CMSS1: variants seen among roughly 807,000 people sequenced by gnomAD.
The protein encoded by CMSS1 is protein CMSS1.
Under a neutral mutation model 43.5 loss-of-function variants are expected in CMSS1, and 33 were observed. That is an observed-to-expected ratio of 0.76 (90% CI 0.57 to 1.01). CMSS1 has a LOEUF of 1.01. Among genes scored for constraint, CMSS1 ranks in the 50% least tolerant of loss-of-function variants. The pLI is 0.00. For synonymous variants in CMSS1, 115 were observed against 117.2 expected (o/e 0.98, Z 0.12); for missense variants, 313 against 326.4 (o/e 0.96, Z 0.32).
At chr3:99,900,467 C>T (rs536980339) in intron 1 of CMSS1, among the ~76,000 whole-genome samples, 1 of 152,162 alleles carries the variant, frequency 6.6e-6, no homozygotes, top group African/African-American at 2.4e-5. Flanking sequence ...TCATAAATAA[C>T]CAGATTTCAG....
At chr3:99,820,950 T>A (rs1942426946) in intron 1 of CMSS1, among the ~76,000 whole-genome samples, 1 of 152,204 alleles carries the variant, frequency 6.6e-6, no homozygotes, top group Non-Finnish European at 1.5e-5. Context: ...AAATAAACAT[T>A]TTTGCTATAA....
At chr3:100,126,352 A>C (rs2066661915) in intron 1 of CMSS1, among the ~76,000 whole-genome samples, 1 of 152,204 alleles carries the variant, frequency 6.6e-6, no homozygotes. Flanking sequence ...CATTATGCCA[A>C]GTTGTAATTA....
At chr3:99,988,379 G>A (rs1264056653) in intron 1 of CMSS1, among the ~76,000 whole-genome samples, 10 of 150,256 alleles carry the variant, frequency 6.7e-5, no homozygotes, top group South Asian at 2.1e-4. Context: ...CAGGCATGGT[G>A]GCATGTGCCT....
At chr3:100,096,784 C>T (rs1417484048) in intron 1 of CMSS1, among the ~76,000 whole-genome samples, 1 of 151,910 alleles carries the variant, frequency 6.6e-6, no homozygotes, top group Non-Finnish European at 1.5e-5. Context: ...TTGTTTGTAA[C>T]ACAAAGGATA....
At chr3:99,947,782 T>G (rs1226329466) in intron 1 of CMSS1, among the ~76,000 whole-genome samples, 1 of 152,228 alleles carries the variant, frequency 6.6e-6, no homozygotes, top group African/African-American at 2.4e-5. Context: ...TAGACCACTA[T>G]ACTACCTTTC....
intron 3 of CMSS1, among the ~76,000 whole-genome samples, chr3:100,161,228 A>G (rs1461643580): frequency 6.6e-6 from 1 of 152,226 alleles, no homozygotes; most frequent in East Asian, 1.9e-4. Context: ...ACTTAACAGC[A>G]AGCTTTTAGA....
intron 1 of CMSS1, among the ~76,000 whole-genome samples, chr3:99,983,478 A>ATGTGTATGTG (rs1265189911): frequency 5.9e-4 from 13 of 22,136 alleles, no homozygotes; most frequent in Admixed American, 2.6e-3. Flanking sequence ...ATATATATAT[A>ATGTGTATGTG]TATATATATA....
intron 1 of CMSS1, among the ~76,000 whole-genome samples, chr3:99,981,730 C>T (rs924485563): frequency 2.6e-5 from 4 of 152,126 alleles, no homozygotes; most frequent in African/African-American, 9.7e-5. Flanking sequence ...CTGCCTGATT[C>T]CAAATTGCGT....
At chr3:100,009,796 G>C (rs566086850) in intron 1 of CMSS1, among the ~76,000 whole-genome samples, 1 of 152,344 alleles carries the variant, frequency 6.6e-6, no homozygotes, top group Admixed American at 6.5e-5. Flanking sequence ...TCTTGAGAAA[G>C]AGAGTGCAAT....
intron 8 of CMSS1, among the ~76,000 whole-genome samples, chr3:100,173,969 G>C (rs748269608): frequency 1.3e-5 from 2 of 152,154 alleles, no homozygotes; most frequent in Admixed American, 1.3e-4. Flanking sequence ...AAAACAAAAT[G>C]CCAATAAAGA....
chr3:99,961,216 C>T (rs1025456882), intron 1 of CMSS1, among the ~76,000 whole-genome samples: 3 of 152,124 alleles, frequency 2.0e-5, no homozygotes, highest in East Asian at 1.9e-4. Flanking sequence ...GGAGAATGCC[C>T]GAGGGGATCC....
chr3:100,138,431 G>T (rs971630536), intron 1 of CMSS1, among the ~76,000 whole-genome samples: 2 of 152,092 alleles, frequency 1.3e-5, no homozygotes, highest in African/African-American at 4.8e-5. Context: ...GAAAAATTTT[G>T]CAATCTACCT....
At chr3:100,108,856 A>G (rs371319869) in intron 1 of CMSS1, among the ~76,000 whole-genome samples, 2 of 152,092 alleles carry the variant, frequency 1.3e-5, no homozygotes, top group East Asian at 3.9e-4. Context: ...TAGGCTTGCT[A>G]TGTCTATCTG....
At chr3:99,877,659 G>GT (rs1487220254) in intron 1 of CMSS1, among the ~76,000 whole-genome samples, 1 of 152,154 alleles carries the variant, frequency 6.6e-6, no homozygotes, top group Non-Finnish European at 1.5e-5. Flanking sequence ...AGTTTTGTTG[G>GT]TTTTAACTCT....
chr3:100,065,822 A>G lies in CMSS1; in HGVS notation c.65-81151A>G, dbSNP rs2065654023. Reference sequence around the variant, plus strand: ...AATACTAATTCAATTCCATCAATAAATGTTTATTGGCCAGGTATCATTTAC... The same window carrying G: ...AATACTAATTCAATTCCATCAATAAGTGTTTATTGGCCAGGTATCATTTAC... On this transcript the variant is annotated intron_variant, in intron 1 of 9. Transcript: ENST00000421999. Among the ~76,000 whole-genome samples the G allele has an allele frequency of 2.6e-5, 4 of 152,272 alleles. No homozygotes were observed. In the South Asian group the frequency reaches 8.3e-4, roughly 32 times the overall value.
chr3:99,878,553 A>G (rs1705616785), intron 1 of CMSS1, among the ~76,000 whole-genome samples: 1 of 152,206 alleles, frequency 6.6e-6, no homozygotes, highest in African/African-American at 2.4e-5. Context: ...TGTTTGGTAA[A>G]GGAGTGTTCA....
intron 1 of CMSS1, among the ~76,000 whole-genome samples, chr3:99,831,136 T>C (rs1302657064): frequency 1.3e-5 from 2 of 152,232 alleles, no homozygotes; most frequent in Non-Finnish European, 2.9e-5. Context: ...ATATTTGATT[T>C]TAGCATTGTT....
chr3:100,097,121 G>A (rs968388867), intron 1 of CMSS1, among the ~76,000 whole-genome samples: 3 of 152,132 alleles, frequency 2.0e-5, no homozygotes, highest in Non-Finnish European at 4.4e-5. Flanking sequence ...GATTCTCATA[G>A]GAGCACAAAC....
chr3:100,072,302 A>C lies in CMSS1; in HGVS notation c.65-74671A>C, dbSNP rs999577915. ...AAAATTGATAGGAGATAATTTTCTC[A>C]TTGGCCTCCTGCCCTAGTTCATTCT... is the stretch of plus-strand genomic sequence containing the variant. On this transcript the variant is annotated intron_variant, in intron 1 of 9. Transcript: ENST00000421999. 2.0e-5 allele frequency among the ~76,000 whole-genome samples: 3 copies of C among 152,188 alleles called. No individual in the cohort carries two copies. In the South Asian group the frequency reaches 6.2e-4, roughly 32 times the overall value.
Sources: gnomAD v4.1 joint callset for allele counts (sites outside exome capture counted in the v4.1 genomes callset) on GRCh38, gnomAD v4.1.1 for gene constraint, MANE v1.5 for transcripts, NCBI Gene and HGNC (gene_info 2026-07-23, HGNC 2026-07-21) for gene names.